GALNTL6: variants seen among roughly 807,000 people sequenced by gnomAD.
The protein encoded by GALNTL6 is polypeptide N-acetylgalactosaminyltransferase-like 6.
A neutral mutation model predicts 73.7 loss-of-function variants in GALNTL6; 46 were observed. The observed-to-expected ratio is 0.62, with a 90% confidence interval of 0.49 to 0.80. The LOEUF is 0.80. Among genes scored for constraint, GALNTL6 ranks in the 30% least tolerant of loss-of-function variants. GALNTL6 has a pLI of 0.00. For synonymous variants in GALNTL6, 259 were observed against 263.7 expected (o/e 0.98, Z 0.17); for missense variants, 604 against 755.0 (o/e 0.80, Z 2.34).
At chr4:172,131,660 A>G (rs973770241) in intron 2 of GALNTL6, among the ~76,000 whole-genome samples, 1 of 151,680 alleles carries the variant, frequency 6.6e-6, no homozygotes, top group Non-Finnish European at 1.5e-5. Context: ...TTACCACAGA[A>G]TCTCAGATTT....
chr4:172,472,848 T>C (rs1298663264), intron 5 of GALNTL6, among the ~76,000 whole-genome samples: 2 of 152,150 alleles, frequency 1.3e-5, no homozygotes, highest in African/African-American at 2.4e-5. Flanking sequence ...TCCTGGCCCG[T>C]AGAACTGTAA....
At chr4:172,815,028 T>C (rs1244052674) in intron 7 of GALNTL6, among the ~76,000 whole-genome samples, 1 of 152,172 alleles carries the variant, frequency 6.6e-6, no homozygotes, top group Non-Finnish European at 1.5e-5. Flanking sequence ...CTAGAAAATC[T>C]TTTTAGTAAT....
At chr4:172,629,854 T>C (rs1471963113) in intron 5 of GALNTL6, among the ~76,000 whole-genome samples, 1 of 152,200 alleles carries the variant, frequency 6.6e-6, no homozygotes, top group Non-Finnish European at 1.5e-5. Flanking sequence ...GACTTGTGTT[T>C]TATGGATTCA....
At chr4:172,647,647 A>G (rs1245641707) in intron 5 of GALNTL6, among the ~76,000 whole-genome samples, 1 of 152,090 alleles carries the variant, frequency 6.6e-6, no homozygotes, top group African/African-American at 2.4e-5. Context: ...TTAACTTTGC[A>G]TGGATTTCCT....
intron 7 of GALNTL6, among the ~76,000 whole-genome samples, chr4:172,833,052 G>C (rs1265051104): frequency 6.6e-6 from 1 of 151,744 alleles, no homozygotes; most frequent in East Asian, 1.9e-4. Context: ...GAACCATATG[G>C]TGAGAGTGTG....
chr4:172,942,956 T>A (rs1748986998), intron 9 of GALNTL6, among the ~76,000 whole-genome samples: 1 of 152,138 alleles, frequency 6.6e-6, no homozygotes, highest in Admixed American at 6.6e-5. Flanking sequence ...TTATCTCCAC[T>A]TTTCCAGGGT....
At chr4:172,037,882 C>CAA (rs1741977206) in intron 2 of GALNTL6, among the ~76,000 whole-genome samples, 2 of 152,122 alleles carry the variant, frequency 1.3e-5, no homozygotes, top group African/African-American at 4.8e-5. Context: ...CTTTGGGAGG[C>CAA]TGAGGCAGGT....
At chr4:172,375,873 C>T (rs979158248) in intron 5 of GALNTL6, among the ~76,000 whole-genome samples, 12 of 152,122 alleles carry the variant, frequency 7.9e-5, no homozygotes, top group African/African-American at 2.4e-4. Flanking sequence ...GGACTTTACC[C>T]GTGTCCTATA....
intron 5 of GALNTL6, among the ~76,000 whole-genome samples, chr4:172,562,115 T>C (rs901003258): frequency 6.6e-6 from 1 of 152,148 alleles, no homozygotes; most frequent in Non-Finnish European, 1.5e-5. Flanking sequence ...AGAAGACAAA[T>C]GTGAAGCCAA....
chr4:172,336,273 TTG>T (rs774544032), intron 4 of GALNTL6, among the ~76,000 whole-genome samples: 17 of 132,248 alleles, frequency 1.3e-4, no homozygotes, highest in Admixed American at 9.0e-4. Flanking sequence ...TAGTTTTGTT[TTG>T]TTTTTTTTTT....
chr4:171,865,342 AAC>A (rs940828118), intron 2 of GALNTL6, among the ~76,000 whole-genome samples: 37 of 152,340 alleles, frequency 2.4e-4, no homozygotes, highest in African/African-American at 8.9e-4. Context: ...ATGAGAAAGC[AAC>A]ACAGAAAAAC....
chr4:172,516,244 T>A (rs1453567465), intron 5 of GALNTL6, among the ~76,000 whole-genome samples: 1 of 152,186 alleles, frequency 6.6e-6, no homozygotes, highest in East Asian at 1.9e-4. Context: ...TTCTGAATCC[T>A]AAACTAGACC....
chr4:172,322,326 CT>C (rs1740788411), intron 4 of GALNTL6, among the ~76,000 whole-genome samples: 1 of 152,090 alleles, frequency 6.6e-6, no homozygotes, highest in South Asian at 2.1e-4. Flanking sequence ...TACACTCTAC[CT>C]TATGCCCCCT....
At position 172,535,330 on chromosome 4, in the gene GALNTL6, G is replaced by T. The variant is rs185928646; in HGVS notation, c.553+186641G>T. ...ACAGTTTATTCATTCCAGTGATTCT[G>T]CCAGTCAGAATTCATCTTTGGAACT... On this transcript the variant is annotated intron_variant, in intron 5 of 12. Transcript: ENST00000506823. Among the ~76,000 whole-genome samples, 3 of 152,222 alleles carry T rather than the reference G, an allele frequency of 2.0e-5. No homozygotes were observed. In the East Asian group the frequency reaches 5.8e-4, roughly 29 times the overall value.
At chr4:173,025,542 C>T (rs996312830) in intron 12 of GALNTL6, among the ~76,000 whole-genome samples, 2 of 152,160 alleles carry the variant, frequency 1.3e-5, no homozygotes, top group South Asian at 4.1e-4. Context: ...GCAATGGCTT[C>T]CTAAAGGGCT....
intron 7 of GALNTL6, among the ~76,000 whole-genome samples, chr4:172,872,626 TAA>T (rs1561005577): frequency 6.6e-6 from 1 of 152,008 alleles, no homozygotes; most frequent in Non-Finnish European, 1.5e-5. Flanking sequence ...TTCCAAAGAG[TAA>T]CTACAAGAAA....
chr4:172,639,182 G>A (rs1355073491), intron 5 of GALNTL6, among the ~76,000 whole-genome samples: 3 of 151,992 alleles, frequency 2.0e-5, no homozygotes. Context: ...ATCATATTTT[G>A]TCAACTAAGT....
chr4:172,795,565 T>C (rs1034786064), intron 5 of GALNTL6, among the ~76,000 whole-genome samples: 13 of 152,202 alleles, frequency 8.5e-5, no homozygotes, highest in African/African-American at 3.1e-4. Context: ...TGTGGTTACA[T>C]AGTAGGTATA....
intron 2 of GALNTL6, among the ~76,000 whole-genome samples, chr4:172,112,584 C>T (rs1249925717): frequency 6.6e-6 from 1 of 151,912 alleles, no homozygotes; most frequent in Non-Finnish European, 1.5e-5. Context: ...TGGAATTTGG[C>T]CATTCTAATA....
Sources: allele counts gnomAD v4.1 joint callset (sites outside exome capture counted in the v4.1 genomes callset), GRCh38; gene constraint gnomAD v4.1.1; transcripts MANE v1.5; gene names NCBI Gene and HGNC (gene_info 2026-07-23, HGNC 2026-07-21).